PTPN22: variants seen among roughly 807,000 people sequenced by gnomAD.
PTPN22 encodes protein tyrosine phosphatase non-receptor type 22.
A neutral mutation model predicts 103.3 loss-of-function variants in PTPN22; 85 were observed. The observed-to-expected ratio is 0.82, with a 90% CI of 0.69 to 0.99. PTPN22 has a LOEUF of 0.99. PTPN22 is among the 50% of genes least tolerant of loss of function. The probability of loss-of-function intolerance (pLI) is 0.00; values close to 1 mark genes in which losing one functional copy is unlikely to be tolerated. For missense variants in PTPN22, 865 were observed against 936.9 expected (o/e 0.92, Z 1.00); for synonymous variants, 323 against 310.2 (o/e 1.04, Z -0.43).
At chr1:113,856,345 T>C (rs145659302) in intron 7 of PTPN22, 37 bp downstream of exon 7, 3 of 1,531,446 alleles carry the variant, frequency 2.0e-6, no homozygotes, top group East Asian at 4.8e-5. Flanking sequence ...CTGATCTCTA[T>C]AGGCTTTTGA....
At chr1:113,849,252 C>CA (rs964122432) in intron 10 of PTPN22, among the ~76,000 whole-genome samples, 4 of 151,430 alleles carry the variant, frequency 2.6e-5, no homozygotes, top group African/African-American at 7.3e-5. Context: ...ATAAAGATAC[C>CA]AAAAAAAAGT....
chr1:113,827,967 A>C (rs1035413673), intron 18 of PTPN22, among the ~76,000 whole-genome samples: 2 of 152,226 alleles, frequency 1.3e-5, no homozygotes, highest in Non-Finnish European at 2.9e-5. Flanking sequence ...GCAATATGTC[A>C]CTGTGGTTTT....
chr1:113,868,356 G>A (rs1416667194), intron 1 of PTPN22, among the ~76,000 whole-genome samples: 3 of 152,160 alleles, frequency 2.0e-5, no homozygotes, highest in African/African-American at 4.8e-5. Flanking sequence ...CACAGAATGA[G>A]TCCTCAAACC....
intron 11 of PTPN22, among the ~76,000 whole-genome samples, chr1:113,845,628 T>A (rs1170149245): frequency 6.6e-6 from 1 of 152,224 alleles, no homozygotes; most frequent in Non-Finnish European, 1.5e-5. Flanking sequence ...TAGAGTGTTC[T>A]GTAAGTGTCA....
At chr1:113,817,658 G>A (rs749879861) in intron 20 of PTPN22, among the ~76,000 whole-genome samples, 2 of 152,066 alleles carry the variant, frequency 1.3e-5, no homozygotes, top group African/African-American at 2.4e-5. Context: ...TGTTGCTTAG[G>A]CTGGTCTCAA....
At position 113,821,979 on chromosome 1, in the gene PTPN22, C is replaced by T. The variant is rs1429077092; in HGVS notation, c.2282-2325G>A. On this transcript the variant is annotated intron_variant, in intron 19 of 20. Transcript: ENST00000359785. ...TCAAGACAATCAGACCCAGTTGGCA[C>T]TAGTCATCACAGTGTGGCTTGAAAA... Among the ~76,000 whole-genome samples, 3 of 152,204 alleles carry T rather than the reference C, an allele frequency of 2.0e-5. No individual in the cohort carries two copies. The East Asian group carries it at 5.8e-4, about 29-fold the overall frequency.
chr1:113,856,188 G>A (rs1318196518), intron 7 of PTPN22, among the ~76,000 whole-genome samples, 194 bp downstream of exon 7: 1 of 151,948 alleles, frequency 6.6e-6, no homozygotes, highest in Non-Finnish European at 1.5e-5. Context: ...CTAATTTTTT[G>A]TGTGTTTTTA....
At chr1:113,833,825 T>C (rs1340752382) in intron 15 of PTPN22, among the ~76,000 whole-genome samples, 4 of 152,228 alleles carry the variant, frequency 2.6e-5, no homozygotes, top group Non-Finnish European at 4.4e-5. Context: ...TTAAGTAATA[T>C]GCACACCTGT....
At chr1:113,817,290 C>T (rs1423073426) in intron 20 of PTPN22, among the ~76,000 whole-genome samples, 1 of 152,174 alleles carries the variant, frequency 6.6e-6, no homozygotes, top group African/African-American at 2.4e-5. Flanking sequence ...TTCTCAGTAG[C>T]TTAAAACAGT....
chr1:113,819,635 TG>T lies in PTPN22; in HGVS notation c.2300del (p.Pro767HisfsTer18). 6.2e-7 allele frequency: 1 copy of T among 1,600,766 alleles called. No individual in the cohort carries two copies. Among genetic ancestry groups the T allele is most frequent in the South Asian group, 1.1e-5 (1 of 88,736 alleles). Reference sequence around the variant, plus strand: ...GAACAGATTCTGCAGGCTTGTTTGGTGGGCAAGAATTACAGATACCTAGAAT... The same window carrying T: ...GAACAGATTCTGCAGGCTTGTTTGGTGGCAAGAATTACAGATACCTAGAAT... On this transcript the variant is annotated frameshift_variant, in exon 20 of 21. Coordinates refer to ENST00000359785, the Ensembl canonical transcript of PTPN22. LOFTEE classifies it high-confidence loss of function.
chr1:113,856,802 T>A (rs1194831885), intron 5 of PTPN22, 183 bp from the exon 6 acceptor site: 2 of 696,638 alleles, frequency 2.9e-6, no homozygotes, highest in Non-Finnish European at 4.6e-6. Flanking sequence ...TTAAAGGATA[T>A]ATAAATTACA....
At chr1:113,848,110 G>A (rs1395904606) in intron 11 of PTPN22, among the ~76,000 whole-genome samples, 1 of 151,984 alleles carries the variant, frequency 6.6e-6, no homozygotes, top group Non-Finnish European at 1.5e-5. Context: ...GTGCTGTGGT[G>A]CCATTTCAGC....
intron 11 of PTPN22, among the ~76,000 whole-genome samples, chr1:113,838,879 T>C (rs998746745): frequency 3.9e-5 from 6 of 152,158 alleles, no homozygotes; most frequent in African/African-American, 1.2e-4. Context: ...ATGTGGGAGT[T>C]TTAAAAATGT....
At chr1:113,835,829 A>T (rs746739304) in intron 13 of PTPN22, among the ~76,000 whole-genome samples, 5 of 152,080 alleles carry the variant, frequency 3.3e-5, no homozygotes, top group Non-Finnish European at 7.4e-5. Flanking sequence ...TTCTATACAA[A>T]CATTCAGTTT....
At position 113,840,190 on chromosome 1, in the gene PTPN22, G is replaced by A. The variant is rs528791365; in HGVS notation, c.916-1570C>T. Among the ~76,000 whole-genome samples the A allele has an allele frequency of 1.4e-4, 20 of 140,048 alleles. No individual in the cohort carries two copies. In the South Asian group the frequency reaches 4.0e-3, roughly 28 times the overall value. The allele number at this position is 140,048 out of a possible 152,430, so 91.9% of individuals were successfully genotyped here. ...CGTACCACTGCATTCCAGCCTGGGC[G>A]ACAGAATAAGACCCTAACTTAATTC... is the stretch of plus-strand genomic sequence containing the variant. On this transcript the variant is annotated intron_variant, in intron 11 of 20. Transcript: ENST00000359785.
chr1:113,860,952 G>A (rs1665528660), intron 1 of PTPN22, among the ~76,000 whole-genome samples: 1 of 152,174 alleles, frequency 6.6e-6, no homozygotes, highest in Non-Finnish European at 1.5e-5. Flanking sequence ...ACAGATAAAG[G>A]TGATGGGTGT....
chr1:113,833,659 T>C lies in PTPN22; in HGVS notation c.2026-521A>G, dbSNP rs1339520637. Among the ~76,000 whole-genome samples the C allele has an allele frequency of 2.6e-5, 4 of 152,206 alleles. No homozygotes were observed. The East Asian group carries it at 7.7e-4, about 29-fold the overall frequency. ...ATTTTAAGAGAATTGGTTCACAGAC[T>C]ATACAGAAATGCATAACATTTTTAG... On this transcript the variant is annotated intron_variant, in intron 15 of 20. Transcript: ENST00000359785.
At chr1:113,844,845 G>T (rs953507836) in intron 11 of PTPN22, among the ~76,000 whole-genome samples, 2 of 151,996 alleles carry the variant, frequency 1.3e-5, no homozygotes, top group East Asian at 1.9e-4. Flanking sequence ...TTGAGACAGG[G>T]TCTTGCTCTG....
At chr1:113,853,859 C>CTTTTTTTTTTTTTTTTTTTTTTTTTTTTT (rs894010114) in intron 9 of PTPN22, among the ~76,000 whole-genome samples, 4 of 67,152 alleles carry the variant, frequency 6.0e-5, no homozygotes, top group Admixed American at 2.2e-4. Context: ...TTTTTTTTTG[C>CTTTTTTTTTTTTTTTTTTTTTTTTTTTTT]TTTTTTTTTT....
Sources: allele counts gnomAD v4.1 joint callset (sites outside exome capture counted in the v4.1 genomes callset), GRCh38; gene constraint gnomAD v4.1.1; transcripts MANE v1.5; gene names NCBI Gene and HGNC (gene_info 2026-07-23, HGNC 2026-07-21).